Variants in PTPN1 observed in about 807,000 individuals in gnomAD.
PTPN1 encodes the protein tyrosine-protein phosphatase non-receptor type 1.
PTPN1 carries 12 observed loss-of-function variants against 59.9 expected under a neutral mutation model. That is an observed-to-expected ratio of 0.20 (90% confidence interval 0.13 to 0.32). PTPN1 has a LOEUF of 0.32. Ranked by LOEUF, PTPN1 falls within the 10% of genes least tolerant of loss-of-function variation. The pLI is 1.00. For missense variants in PTPN1, 356 were observed against 549.2 expected, an observed-to-expected ratio of 0.65 and a Z score of 3.52; for synonymous variants, 178 against 203.6, an observed-to-expected ratio of 0.87 and a Z score of 1.07.
At chr20:50,537,714 C>T (rs565864219) in intron 1 of PTPN1, among the ~76,000 whole-genome samples, 10 of 152,186 alleles carry the variant, frequency 6.6e-5, no homozygotes, top group African/African-American at 2.4e-4. Flanking sequence ...ACAGAATTGC[C>T]AATCTGCTTG....
At chr20:50,561,954 TGTTA>T (rs2082754762) in intron 2 of PTPN1, among the ~76,000 whole-genome samples, 1 of 152,230 alleles carries the variant, frequency 6.6e-6, no homozygotes. Context: ...TCTTTCCTGC[TGTTA>T]GTTCTTCCTA....
At chr20:50,553,879 A>G (rs1228489150) in intron 1 of PTPN1, among the ~76,000 whole-genome samples, 1 of 152,198 alleles carries the variant, frequency 6.6e-6, no homozygotes, top group Non-Finnish European at 1.5e-5. Flanking sequence ...TAGTTTAGGC[A>G]CTGCAGAAGA....
intron 1 of PTPN1, among the ~76,000 whole-genome samples, chr20:50,540,080 A>G (rs758809823): frequency 6.6e-6 from 1 of 151,560 alleles, no homozygotes; most frequent in Non-Finnish European, 1.5e-5. Context: ...TTCGAGACAG[A>G]GTTTCGCTCT....
intron 1 of PTPN1, among the ~76,000 whole-genome samples, chr20:50,522,104 A>G (rs542064506): frequency 6.6e-6 from 1 of 152,302 alleles, no homozygotes; most frequent in African/African-American, 2.4e-5. Flanking sequence ...AGTGCCCTTG[A>G]CAGTAAAGTC....
At position 50,579,177 on chromosome 20, in the gene PTPN1, A is replaced by T; in HGVS notation, c.712A>T (p.Arg238Trp). 1 of 1,614,192 alleles carries T rather than the reference A, an allele frequency of 6.2e-7. No homozygotes were observed. Among genetic ancestry groups the T allele is most frequent in the South Asian group, 1.1e-5 (1 of 91,076 alleles). Residue 238 changes from arginine (R) to tryptophan (W), a missense_variant, in exon 7 of 10, where the codon AGG (arginine) becomes TGG (tryptophan). This residue lies in a region of PTPN1 where 194 missense variants were observed against 344.2 expected (regional missense o/e 0.56). Transcript: ENST00000371621. ...CCTCTCTGGCTTTCAGATGGACAAGAGGAAAGACCCTTCTTCCGTTGATAT... is the reference window on the plus strand; with the variant it reads ...CCTCTCTGGCTTTCAGATGGACAAGTGGAAAGACCCTTCTTCCGTTGATAT... Reference protein sequence around the residue: ...ADTCLLLMDKRKDPSSVDIKK... With the variant: ...ADTCLLLMDKWKDPSSVDIKK...
intron 1 of PTPN1, among the ~76,000 whole-genome samples, chr20:50,544,211 CCCAATCATGGCTAA>C (rs1483003652): frequency 3.3e-5 from 5 of 152,000 alleles, no homozygotes; most frequent in Non-Finnish European, 7.4e-5. Context: ...AGTACAGTGG[CCCAATCATGGCTAA>C]CTGCAGCCTT....
chr20:50,574,636 A>G lies in PTPN1; in HGVS notation c.474A>G (p.Leu158=), dbSNP rs1171219434. ...AGTCATATTATACAGTGCGACAGCT[A>G]GAATTGGAAAACCTTACAGTGAGTA... The part of the protein sequence containing the change: ...DIKSYYTVRQ[L]ELENLTTQET... Residue 158 remains leucine, a synonymous_variant, in exon 5 of 10, where the codon CTA becomes CTG. Coordinates refer to ENST00000371621, the MANE Select transcript of PTPN1 (RefSeq NM_002827.4). The G allele has an allele frequency of 1.9e-6, 3 of 1,603,748 alleles. No individual in the cohort carries two copies. The highest frequency in any genetic ancestry group is 2.5e-6 in the Non-Finnish European group (3 of 1,176,898).
At chr20:50,531,011 G>GT (rs1489813159) in intron 1 of PTPN1, among the ~76,000 whole-genome samples, 1 of 152,144 alleles carries the variant, frequency 6.6e-6, no homozygotes, top group East Asian at 1.9e-4. Context: ...GCCAAGGATT[G>GT]TTTTTTAAGT....
chr20:50,561,502 G>A, intron 2 of PTPN1, 49 bp downstream of exon 2: 2 of 1,287,590 alleles, frequency 1.6e-6, no homozygotes, highest in Non-Finnish European at 2.2e-6. Flanking sequence ...TTTGCTGCAG[G>A]CCTTTTTAGT....
At chr20:50,518,444 A>C (rs2082538087) in intron 1 of PTPN1, among the ~76,000 whole-genome samples, 1 of 152,208 alleles carries the variant, frequency 6.6e-6, no homozygotes, top group South Asian at 2.1e-4. Context: ...GCTGTTAACT[A>C]CTGTTTCACT....
At position 50,536,419 on chromosome 20, in the gene PTPN1, T is replaced by A. The variant is rs563856362; in HGVS notation, c.64-24944T>A. Among the ~76,000 whole-genome samples, 9 of 152,328 alleles carry A rather than the reference T, an allele frequency of 5.9e-5. No individual in the cohort carries two copies. In the South Asian group the frequency reaches 1.9e-3, roughly 32 times the overall value. ...CAACCTGAAACAGTCACACAAATGA[T>A]TAATTTTAATTGTGGAGGAGTGCTG... On this transcript the variant is annotated intron_variant, in intron 1 of 9. Transcript: ENST00000371621.
intron 4 of PTPN1, chr20:50,571,542 C>T (rs1163235244): frequency 6.6e-6 from 1 of 152,188 alleles, no homozygotes; most frequent in African/African-American, 2.4e-5. Flanking sequence ...GTAAAACCAG[C>T]TTTTGGGGAG....
intron 1 of PTPN1, among the ~76,000 whole-genome samples, chr20:50,511,311 G>A (rs2082506368): frequency 6.6e-6 from 1 of 152,166 alleles, no homozygotes; most frequent in Admixed American, 6.5e-5. Context: ...CAGGGTGACT[G>A]CATAGAAGGC....
chr20:50,574,035 A>G lies in PTPN1; in HGVS notation c.355-482A>G, dbSNP rs541320959. On this transcript the variant is annotated intron_variant, in intron 4 of 9. Transcript: ENST00000371621. ...TCTGAAAGGGAGTCTGTATTTGGTG[A>G]TAACTGCTCAGCCTCTCCAAAGGGC... The G allele has an allele frequency of 2.0e-3, 304 of 152,918 alleles. 1 individual carries two copies. Among genetic ancestry groups the G allele is most frequent in the Non-Finnish European group, 3.6e-3 (245 of 68,480 alleles). 9.5% of individuals were successfully genotyped at this position (152,918 alleles called of 1,614,324 possible).
At chr20:50,571,359 T>C (rs1030081873) in intron 4 of PTPN1, 1 of 152,264 alleles carries the variant, frequency 6.6e-6, no homozygotes, top group Non-Finnish European at 1.5e-5. Flanking sequence ...GGCGTGCAGA[T>C]TGGCATGAAA....
Position 50,584,741 on chromosome 20 carries a change from A to T in PTPN1, c.*2026A>T, listed in dbSNP as rs1261592723. On this transcript the variant is annotated 3_prime_UTR_variant, in exon 10 of 10. Coordinates refer to ENST00000371621, the MANE Select transcript of PTPN1 (RefSeq NM_002827.4). ...TTTGCATTTTAGCTGCAACAATAAA[A>T]TTTTTTTCTAAAGAACATGAATTTG... is the stretch of plus-strand genomic sequence containing the variant. 3.3e-5 allele frequency: 5 copies of T among 151,884 alleles called. No homozygotes were observed. The highest frequency in any genetic ancestry group is 7.3e-5 in the African/African-American group (3 of 41,316). The allele number at this position is 151,884 out of a possible 1,614,324, so 9.4% of individuals were successfully genotyped here.
At chr20:50,542,337 AT>A (rs1194016204) in intron 1 of PTPN1, among the ~76,000 whole-genome samples, 1 of 152,208 alleles carries the variant, frequency 6.6e-6, no homozygotes, top group East Asian at 1.9e-4. Flanking sequence ...TCTTGCGAAG[AT>A]TGATTTTTAG....
chr20:50,550,817 T>C (rs539526673), intron 1 of PTPN1, among the ~76,000 whole-genome samples: 1 of 152,358 alleles, frequency 6.6e-6, no homozygotes, highest in East Asian at 1.9e-4. Context: ...CTTCTTCACT[T>C]AGCAGATAGC....
intron 1 of PTPN1, among the ~76,000 whole-genome samples, chr20:50,541,231 A>C (rs1287792174): frequency 6.6e-6 from 1 of 152,208 alleles, no homozygotes; most frequent in East Asian, 1.9e-4. Flanking sequence ...GAAAGTTCTC[A>C]AAGTTGACTT....
Sources: allele counts gnomAD v4.1 joint callset (sites outside exome capture counted in the v4.1 genomes callset), GRCh38; gene constraint gnomAD v4.1.1; regional missense constraint gnomAD v4.1.1; transcripts MANE v1.5; gene names NCBI Gene and HGNC (gene_info 2026-07-23, HGNC 2026-07-21).